The following SH3BGRL2 variants were observed in gnomAD, a reference collection of about 807,000 sequenced individuals.
The protein encoded by SH3BGRL2 is SH3 domain-binding glutamic acid-rich-like protein 2.
In SH3BGRL2, 21 loss-of-function variants were observed where a neutral mutation model predicts 14.8. That is an observed-to-expected ratio of 1.42 (90% CI 1.01 to 2.05). The LOEUF (loss-of-function observed/expected upper bound fraction) is 2.05. SH3BGRL2 is among the 30% of genes most tolerant of loss of function. The pLI, the probability that SH3BGRL2 is intolerant of heterozygous loss-of-function variation, is 0.00. For synonymous variants in SH3BGRL2, 50 were observed against 47.8 expected (o/e 1.05, Z -0.19); for missense variants, 147 against 130.8 (o/e 1.12, Z -0.61).
the SH3BGRL2 span, chr6:79,552,948 A>G: frequency 1.8e-4 from 28 of 152,360 alleles, no homozygotes; most frequent in Non-Finnish European, 3.4e-4. Context: ...TACTCTAAGC[A>G]TAAGACCCTA....
chr6:79,682,836 T>C (rs146417573), intron 2 of SH3BGRL2, among the ~76,000 whole-genome samples: 159 of 152,262 alleles, frequency 1.0e-3, no homozygotes, highest in African/African-American at 3.5e-3. Context: ...ATTAAGAAAA[T>C]GTGGCACATA....
At chr6:79,619,777 G>GT in the SH3BGRL2 span, among the ~76,000 whole-genome samples, 8 of 152,136 alleles carry the variant, frequency 5.3e-5, no homozygotes, top group African/African-American at 1.9e-4. Flanking sequence ...ATACACCTTG[G>GT]TTTTAGCTTC....
chr6:79,628,958 T>A (rs1251181448), upstream of SH3BGRL2, among the ~76,000 whole-genome samples: 2 of 152,122 alleles, frequency 1.3e-5, no homozygotes, highest in Non-Finnish European at 2.9e-5. Context: ...TAGGAACAGG[T>A]TGAACAGGAT....
intron 1 of SH3BGRL2, among the ~76,000 whole-genome samples, chr6:79,661,300 A>G (rs1481228219): frequency 4.6e-5 from 7 of 152,166 alleles, no homozygotes; most frequent in Non-Finnish European, 1.0e-4. Context: ...ACACTGCTTT[A>G]AATGTGTCCC....
the SH3BGRL2 span, among the ~76,000 whole-genome samples, chr6:79,611,691 C>T: frequency 7.2e-5 from 11 of 152,108 alleles, no homozygotes; most frequent in Admixed American, 3.3e-4. Flanking sequence ...GGATTACAGG[C>T]GTGAGCCACC....
chr6:79,620,462 G>A, the SH3BGRL2 span, among the ~76,000 whole-genome samples: 4 of 152,134 alleles, frequency 2.6e-5, no homozygotes, highest in African/African-American at 4.8e-5. Flanking sequence ...TTTAGCACAT[G>A]CAGAATAAAT....
At chr6:79,539,042 A>G in the SH3BGRL2 span, among the ~76,000 whole-genome samples, 36 of 152,328 alleles carry the variant, frequency 2.4e-4, no homozygotes, top group East Asian at 6.6e-3. Flanking sequence ...AAAATATTTA[A>G]GACGCTGGGA....
At chr6:79,599,144 G>GT in the SH3BGRL2 span, among the ~76,000 whole-genome samples, 1 of 151,326 alleles carries the variant, frequency 6.6e-6, no homozygotes, top group Non-Finnish European at 1.5e-5. Context: ...TAAAAACAAT[G>GT]TTATAGTATT....
At chr6:79,572,260 G>A in the SH3BGRL2 span, among the ~76,000 whole-genome samples, 160 of 152,040 alleles carry the variant, frequency 1.1e-3, no homozygotes, top group African/African-American at 3.7e-3. Flanking sequence ...TGATGATATC[G>A]TTGTATACAC....
intron 1 of SH3BGRL2, among the ~76,000 whole-genome samples, chr6:79,670,051 T>A (rs1769742282): frequency 1.3e-5 from 2 of 152,236 alleles, no homozygotes; most frequent in Non-Finnish European, 2.9e-5. Context: ...AACTCTGCCA[T>A]TGCAGGGAGA....
chr6:79,572,037 AC>A, the SH3BGRL2 span, among the ~76,000 whole-genome samples: 1 of 152,186 alleles, frequency 6.6e-6, no homozygotes, highest in African/African-American at 2.4e-5. Flanking sequence ...ATTTGTCCAT[AC>A]TAAGAAATTC....
chr6:79,593,204 G>C, the SH3BGRL2 span, among the ~76,000 whole-genome samples: 6 of 152,108 alleles, frequency 3.9e-5, no homozygotes, highest in Non-Finnish European at 5.9e-5. Context: ...AGGCAGTGGG[G>C]TGGACTACAG....
At chr6:79,585,863 G>A in the SH3BGRL2 span, among the ~76,000 whole-genome samples, 2 of 151,262 alleles carry the variant, frequency 1.3e-5, no homozygotes, top group South Asian at 2.1e-4. Context: ...GGACAGCTCT[G>A]AATGCAGCCC....
the SH3BGRL2 span, among the ~76,000 whole-genome samples, chr6:79,604,659 C>T: frequency 6.6e-6 from 1 of 152,162 alleles, no homozygotes; most frequent in Admixed American, 6.5e-5. Flanking sequence ...GTCTGCAGAA[C>T]TTTTCCTGTC....
the SH3BGRL2 span, among the ~76,000 whole-genome samples, chr6:79,624,574 C>T: frequency 1.8e-4 from 27 of 151,932 alleles, no homozygotes; most frequent in African/African-American, 6.0e-4. Flanking sequence ...GAATCCCCAG[C>T]ATCTAGTATA....
the SH3BGRL2 span, among the ~76,000 whole-genome samples, chr6:79,599,256 A>AC: frequency 6.6e-6 from 1 of 152,112 alleles, no homozygotes; most frequent in Non-Finnish European, 1.5e-5. Flanking sequence ...GGGAAGTGCA[A>AC]ATTTGGATCG....
the SH3BGRL2 span, among the ~76,000 whole-genome samples, chr6:79,562,938 G>A: frequency 6.6e-6 from 1 of 152,028 alleles, no homozygotes; most frequent in Non-Finnish European, 1.5e-5. Flanking sequence ...GACAAGCTTG[G>A]TCTATATTTT....
At chr6:79,590,759 GC>G in the SH3BGRL2 span, among the ~76,000 whole-genome samples, 1 of 151,838 alleles carries the variant, frequency 6.6e-6, no homozygotes, top group African/African-American at 2.4e-5. Context: ...ATCATCCATA[GC>G]CCAAACCTGA....
the SH3BGRL2 span, among the ~76,000 whole-genome samples, chr6:79,562,875 G>A: frequency 1.3e-5 from 2 of 152,130 alleles, no homozygotes; most frequent in Non-Finnish European, 2.9e-5. Context: ...AATTTGTGCT[G>A]GGCTGCATTC....
Sources: allele counts gnomAD v4.1 joint callset (sites outside exome capture counted in the v4.1 genomes callset), GRCh38; gene constraint gnomAD v4.1.1; transcripts MANE v1.5; gene names NCBI Gene and HGNC (gene_info 2026-07-23, HGNC 2026-07-21).